EYS: variants seen among roughly 807,000 people sequenced by gnomAD.
The protein encoded by EYS is protein eyes shut homolog.
In EYS, 250 loss-of-function variants were observed where a neutral mutation model predicts 282.1. The ratio of observed to expected loss-of-function variants is 0.89; its 90% CI spans 0.80 to 0.98. EYS has a LOEUF of 0.98. Ranked by LOEUF, EYS falls within the 50% of genes least tolerant of loss-of-function variation. The pLI is 0.00. For synonymous variants in EYS, 1,355 were observed against 1,282.9 expected, an observed-to-expected ratio of 1.06 and a Z score of -1.20; for missense variants, 4,016 against 3,709.0, an observed-to-expected ratio of 1.08 and a Z score of -2.15.
At chr6:64,695,509 C>A (rs1770545302) in intron 22 of EYS, among the ~76,000 whole-genome samples, 1 of 152,020 alleles carries the variant, frequency 6.6e-6, no homozygotes. Flanking sequence ...CTAATTATAA[C>A]CAAGGAAATC....
chr6:65,602,615 T>C (rs1019535038), intron 2 of EYS, among the ~76,000 whole-genome samples: 2 of 152,004 alleles, frequency 1.3e-5, no homozygotes, highest in African/African-American at 4.8e-5. Context: ...GCCTTTGTGG[T>C]ACTTGTGCTC....
intron 13 of EYS, among the ~76,000 whole-genome samples, chr6:65,037,430 G>A (rs569829548): frequency 2.0e-5 from 3 of 151,676 alleles, no homozygotes; most frequent in Admixed American, 6.6e-5. Context: ...ATTTTCGCAC[G>A]TTATATACCT....
chr6:63,911,797 A>G (rs191578083), intron 35 of EYS, among the ~76,000 whole-genome samples: 1 of 152,332 alleles, frequency 6.6e-6, no homozygotes, highest in Admixed American at 6.5e-5. Flanking sequence ...AGATCTGGAA[A>G]TCTGAGGAAA....
intron 14 of EYS, among the ~76,000 whole-genome samples, chr6:64,982,662 A>T (rs564667165): frequency 6.6e-6 from 1 of 151,340 alleles, no homozygotes; most frequent in Non-Finnish European, 1.5e-5. Flanking sequence ...ATGACTTTGA[A>T]AATGATTTTG....
intron 12 of EYS, among the ~76,000 whole-genome samples, chr6:65,126,762 C>T (rs572447508): frequency 2.3e-4 from 35 of 152,214 alleles, no homozygotes; most frequent in African/African-American, 8.4e-4. Flanking sequence ...GTTTTCTCTC[C>T]AACTCTTGCA....
At chr6:65,511,025 T>C (rs977282878) in intron 2 of EYS, among the ~76,000 whole-genome samples, 2 of 152,232 alleles carry the variant, frequency 1.3e-5, no homozygotes, top group African/African-American at 4.8e-5. Context: ...TAGGAATTAC[T>C]TTCTCACCAA....
At chr6:64,116,133 G>A (rs1773375013) in intron 31 of EYS, among the ~76,000 whole-genome samples, 1 of 152,078 alleles carries the variant, frequency 6.6e-6, no homozygotes, top group Non-Finnish European at 1.5e-5. Context: ...CTGCAATGGA[G>A]AGCATCAACA....
chr6:65,124,085 G>T (rs1459680242), intron 12 of EYS, among the ~76,000 whole-genome samples: 1 of 151,984 alleles, frequency 6.6e-6, no homozygotes, highest in African/African-American at 2.4e-5. Context: ...GAGGTAGGCG[G>T]ATCCCTTGAG....
intron 31 of EYS, among the ~76,000 whole-genome samples, chr6:64,191,295 T>C (rs1765095246): frequency 6.6e-6 from 1 of 151,970 alleles, no homozygotes. Context: ...TATACTCAGC[T>C]AAAATAGCCT....
chr6:65,200,623 TTGTATATAAA>T (rs1240402176), intron 12 of EYS, among the ~76,000 whole-genome samples: 3 of 151,668 alleles, frequency 2.0e-5, no homozygotes, highest in Admixed American at 2.0e-4. Flanking sequence ...AGTACAGTTA[TTGTATATAAA>T]TGTGTATATA....
At chr6:65,399,476 C>T (rs1394523217) in intron 7 of EYS, among the ~76,000 whole-genome samples, 1 of 151,814 alleles carries the variant, frequency 6.6e-6, no homozygotes, top group Non-Finnish European at 1.5e-5. Context: ...GAAATACAGA[C>T]ATGAATAAAA....
chr6:65,232,817 T>C (rs976239661), intron 12 of EYS, among the ~76,000 whole-genome samples: 1 of 152,138 alleles, frequency 6.6e-6, no homozygotes, highest in Non-Finnish European at 1.5e-5. Flanking sequence ...ATTTGACCCA[T>C]AATAACCCTC....
Position 63,907,935 on chromosome 6 carries a change from A to G in EYS, c.7056-43577T>C, listed in dbSNP as rs1178137027. Among the ~76,000 whole-genome samples the G allele has an allele frequency of 2.6e-5, 4 of 151,258 alleles. No individual in the cohort carries two copies. In the East Asian group the frequency reaches 5.9e-4, roughly 22 times the overall value. ...TTCAGTGCCATACATGCTGCTGAAA[A>G]AGACATGATTTCATTCTTTTTTATG... On this transcript the variant is annotated intron_variant, in intron 35 of 42. Transcript: ENST00000503581.
At chr6:64,305,832 A>T (rs1769422706) in intron 30 of EYS, among the ~76,000 whole-genome samples, 1 of 152,230 alleles carries the variant, frequency 6.6e-6, no homozygotes, top group Non-Finnish European at 1.5e-5. Context: ...TATTTCTTGG[A>T]TATGGATATG....
chr6:65,614,564 T>C (rs906662037), intron 2 of EYS, among the ~76,000 whole-genome samples: 8 of 152,076 alleles, frequency 5.3e-5, no homozygotes, highest in Admixed American at 5.2e-4. Flanking sequence ...GATGACCAGT[T>C]GTCTCCACAA....
chr6:64,061,520 T>C (rs1771170557), intron 33 of EYS, among the ~76,000 whole-genome samples: 1 of 152,112 alleles, frequency 6.6e-6, no homozygotes, highest in Admixed American at 6.5e-5. Flanking sequence ...TTGACCTCAG[T>C]CACTACAAGT....
In EYS at chr6:65,494,975, G is replaced by A; in HGVS notation, c.436C>T (p.His146Tyr). 6.2e-7 allele frequency: 1 copy of A among 1,614,166 alleles called. No individual in the cohort carries two copies. Among genetic ancestry groups the A allele is most frequent in the Non-Finnish European group, 8.5e-7 (1 of 1,180,018 alleles). ...VNSKWLSVGT[H>Y]YFITVMASGP... ...CTTGCCATAACTGTGATAAAATAAT[G>A]TGTCCCAACACTCAGCCACTTAGAA... is the stretch of plus-strand genomic sequence containing the variant. The change falls in exon 4 of 43, where the codon CAT becomes TAT. Residue 146 changes from histidine (H) to tyrosine (Y), a missense_variant. Coordinates refer to ENST00000503581, the MANE Select transcript of EYS (RefSeq NM_001142800.2).
intron 12 of EYS, among the ~76,000 whole-genome samples, chr6:65,168,196 T>C (rs1295553006): frequency 6.6e-6 from 1 of 151,232 alleles, no homozygotes; most frequent in Non-Finnish European, 1.5e-5. Context: ...GGAATGAAAT[T>C]ATCTTTTCTT....
intron 22 of EYS, among the ~76,000 whole-genome samples, chr6:64,671,733 A>G (rs1769468614): frequency 6.6e-6 from 1 of 152,188 alleles, no homozygotes; most frequent in African/African-American, 2.4e-5. Flanking sequence ...TAGAATTTAA[A>G]AAAAAACCAA....
Sources: allele counts gnomAD v4.1 joint callset (sites outside exome capture counted in the v4.1 genomes callset), GRCh38; gene constraint gnomAD v4.1.1; transcripts MANE v1.5; gene names NCBI Gene and HGNC (gene_info 2026-07-23, HGNC 2026-07-21).